IGF2BP2: variants seen among roughly 807,000 people sequenced by gnomAD.
IGF2BP2 encodes the protein insulin-like growth factor 2 mRNA-binding protein 2.
A neutral mutation model predicts 75.8 loss-of-function variants in IGF2BP2; 17 were observed. That is an observed-to-expected ratio of 0.22 (90% CI 0.15 to 0.34). The LOEUF (loss-of-function observed/expected upper bound fraction) is 0.34. Among genes scored for constraint, IGF2BP2 ranks in the 10% least tolerant of loss-of-function variants. IGF2BP2 has a pLI of 1.00. For synonymous variants in IGF2BP2, 288 were observed against 295.6 expected (o/e 0.97, Z 0.26); for missense variants, 516 against 772.4 (o/e 0.67, Z 3.93).
chr3:185,707,160 G>A (rs531875183), intron 2 of IGF2BP2, among the ~76,000 whole-genome samples: 10 of 150,400 alleles, frequency 6.6e-5, no homozygotes, highest in African/African-American at 2.4e-4. Context: ...AGGAGGTGGA[G>A]GCTGCGGTGA....
At chr3:185,793,710 A>G (rs1042372942) in intron 2 of IGF2BP2, among the ~76,000 whole-genome samples, 1 of 152,186 alleles carries the variant, frequency 6.6e-6, no homozygotes, top group Non-Finnish European at 1.5e-5. Context: ...TGAGGCAGTA[A>G]GAAACTGATT....
chr3:185,692,707 T>G lies in IGF2BP2; in HGVS notation c.396A>C (p.Glu132Asp). 2 of 1,613,362 alleles carry G rather than the reference T, an allele frequency of 1.2e-6. No homozygotes were observed. The highest frequency in any genetic ancestry group is 1.7e-6 in the Non-Finnish European group (2 of 1,179,552). The change falls in exon 5 of 16, where the codon GAA becomes GAC. Residue 132 changes from glutamate (E) to aspartate (D), a missense_variant. Physicochemically the swap from Glu to Asp is conservative, Grantham distance 45 (BLOSUM62 2). Transcript: ENST00000382199. Reference protein sequence around the residue: ...VVNVTYATREEAKIAMEKLSG... With the variant: ...VVNVTYATREDAKIAMEKLSG... ...AGCCCAAATCTGCTTACATTTTTGC[T>G]TCTTCTCTTGTTGCATATGTGACGT...
chr3:185,775,214 C>T (rs1734394419), intron 2 of IGF2BP2, among the ~76,000 whole-genome samples: 1 of 152,178 alleles, frequency 6.6e-6, no homozygotes, highest in African/African-American at 2.4e-5. Context: ...ACAATACCTG[C>T]CTTGTGAGAG....
intron 10 of IGF2BP2, among the ~76,000 whole-genome samples, chr3:185,663,385 A>C (rs1450908943): frequency 6.6e-6 from 1 of 152,206 alleles, no homozygotes; most frequent in Non-Finnish European, 1.5e-5. Context: ...GGTAATTGTT[A>C]TCCACAGGCT....
At chr3:185,716,031 C>A (rs1186160601) in intron 2 of IGF2BP2, among the ~76,000 whole-genome samples, 2 of 152,168 alleles carry the variant, frequency 1.3e-5, no homozygotes, top group Non-Finnish European at 2.9e-5. Context: ...ATAAAAGCAT[C>A]TCCACAATTA....
At chr3:185,716,794 A>G (rs1248814928) in intron 2 of IGF2BP2, 1 of 518,944 alleles carries the variant, frequency 1.9e-6, no homozygotes, top group Non-Finnish European at 3.8e-6. Context: ...TGCCTGGTTA[A>G]CATTTCACCT....
intron 1 of IGF2BP2, 47 bp from the exon 2 acceptor site, chr3:185,823,260 C>G: frequency 6.1e-6 from 9 of 1,478,262 alleles, no homozygotes; most frequent in Non-Finnish European, 8.4e-6. Context: ...TAGATCAAGC[C>G]CGCGGGGGTC....
chr3:185,784,842 C>A (rs1560465537), intron 2 of IGF2BP2, among the ~76,000 whole-genome samples: 1 of 152,172 alleles, frequency 6.6e-6, no homozygotes, highest in African/African-American at 2.4e-5. Flanking sequence ...ATGTGCAAGG[C>A]AATGGGGATA....
At chr3:185,821,059 C>T (rs2150066175) in intron 2 of IGF2BP2, 1 of 1,535,302 alleles carries the variant, frequency 6.5e-7, no homozygotes, top group Non-Finnish European at 8.7e-7. Flanking sequence ...GACATGAGAA[C>T]ATACAGCTGC....
intron 13 of IGF2BP2, 72 bp downstream of exon 13, chr3:185,652,022 C>T: frequency 8.2e-7 from 1 of 1,219,788 alleles, no homozygotes; most frequent in Admixed American, 2.2e-5. Flanking sequence ...CAAAGAAGAG[C>T]CTTGAATGTG....
At chr3:185,652,776 G>A (rs945149046) in intron 12 of IGF2BP2, among the ~76,000 whole-genome samples, 7 of 152,092 alleles carry the variant, frequency 4.6e-5, no homozygotes, top group South Asian at 2.1e-4. Context: ...TCCTCCCCTC[G>A]CTGTGCCTCC....
At chr3:185,785,300 CAA>C (rs1230648409) in intron 2 of IGF2BP2, among the ~76,000 whole-genome samples, 5 of 67,624 alleles carry the variant, frequency 7.4e-5, no homozygotes, top group Non-Finnish European at 5.8e-5. Flanking sequence ...GACTCCTTCT[CAA>C]AAAAAAAAAA....
chr3:185,686,150 G>T (rs968542730), intron 7 of IGF2BP2, among the ~76,000 whole-genome samples: 2 of 152,176 alleles, frequency 1.3e-5, no homozygotes, highest in Non-Finnish European at 2.9e-5. Flanking sequence ...TTGGGAGGAC[G>T]AGGTGGGCAG....
intron 2 of IGF2BP2, among the ~76,000 whole-genome samples, chr3:185,780,034 G>A (rs1024696196): frequency 1.3e-5 from 2 of 152,160 alleles, no homozygotes; most frequent in East Asian, 1.9e-4. Context: ...GACAGTAAAC[G>A]GAGGCTAAAG....
At chr3:185,713,605 C>T (rs556200404) in intron 2 of IGF2BP2, 75 of 431,124 alleles carry the variant, frequency 1.7e-4, no homozygotes, top group Non-Finnish European at 2.9e-4. Flanking sequence ...TTTAACATTG[C>T]GATTCTGTGG....
At chr3:185,794,378 A>T (rs1737059352) in intron 2 of IGF2BP2, among the ~76,000 whole-genome samples, 1 of 103,146 alleles carries the variant, frequency 9.7e-6, no homozygotes, top group Admixed American at 8.7e-5. Flanking sequence ...TTAATCATAG[A>T]CTCACAGAAT....
At chr3:185,738,724 T>C (rs1729160596) in intron 2 of IGF2BP2, among the ~76,000 whole-genome samples, 1 of 152,228 alleles carries the variant, frequency 6.6e-6, no homozygotes, top group Non-Finnish European at 1.5e-5. Flanking sequence ...TCAGAAAATA[T>C]TCCTGGTACT....
chr3:185,800,813 T>C (rs1578351350), intron 2 of IGF2BP2, among the ~76,000 whole-genome samples: 1 of 152,042 alleles, frequency 6.6e-6, no homozygotes, highest in African/African-American at 2.4e-5. Flanking sequence ...GTGCAAAGAT[T>C]TCATGACTAA....
intron 10 of IGF2BP2, among the ~76,000 whole-genome samples, chr3:185,670,618 G>A (rs1297923629): frequency 6.6e-6 from 1 of 152,048 alleles, no homozygotes; most frequent in Non-Finnish European, 1.5e-5. Flanking sequence ...GCCCAGGCTG[G>A]AGTGCAGTGC....
Sources: allele counts gnomAD v4.1 joint callset (sites outside exome capture counted in the v4.1 genomes callset), GRCh38; gene constraint gnomAD v4.1.1; transcripts MANE v1.5; gene names NCBI Gene and HGNC (gene_info 2026-07-23, HGNC 2026-07-21).